DPEP1: variants seen among roughly 807,000 people sequenced by gnomAD.
DPEP1 encodes the protein dipeptidase 1.
A neutral mutation model predicts 42.3 loss-of-function variants in DPEP1; 50 were observed. That is an observed-to-expected ratio of 1.18 (90% confidence interval 0.94 to 1.50). The LOEUF is 1.50. DPEP1 is among the 40% of genes most tolerant of loss of function. DPEP1 has a pLI of 0.00. For missense variants in DPEP1, 663 were observed against 553.0 expected (o/e 1.20, Z -1.99); for synonymous variants, 297 against 234.0 (o/e 1.27, Z -2.46).
chr16:89,638,655 C>T (rs1421031921), downstream of DPEP1, among the ~76,000 whole-genome samples: 8 of 149,990 alleles, frequency 5.3e-5, no homozygotes, highest in East Asian at 9.8e-4. Context: ...CCGGTGCACA[C>T]ACCCCACCCC....
intron 2 of DPEP1, among the ~76,000 whole-genome samples, chr16:89,635,671 C>G (rs961502321): frequency 9.9e-5 from 15 of 152,232 alleles, no homozygotes; most frequent in Non-Finnish European, 1.6e-4. Flanking sequence ...GGCTACCCAG[C>G]TCCCTGAGCT....
downstream of DPEP1, chr16:89,640,467 G>A: frequency 1.1e-5 from 8 of 725,308 alleles, no homozygotes; most frequent in Non-Finnish European, 1.3e-5. Flanking sequence ...GGAGCAGGGG[G>A]CTCCGGGGTC....
At chr16:89,632,173 C>T (rs1419656250) in intron 2 of DPEP1, among the ~76,000 whole-genome samples, 1 of 152,166 alleles carries the variant, frequency 6.6e-6, no homozygotes, top group East Asian at 1.9e-4. Context: ...CCTCAGCCTC[C>T]TGAGTAGCTG....
chr16:89,625,495 C>T (rs879848651), intron 1 of DPEP1, among the ~76,000 whole-genome samples: 3 of 152,222 alleles, frequency 2.0e-5, no homozygotes, highest in Non-Finnish European at 4.4e-5. Flanking sequence ...CATTCAAACT[C>T]TATCAGGACT....
chr16:89,614,118 G>A lies in DPEP1; in HGVS notation c.-107+399G>A, dbSNP rs530071495. Among the ~76,000 whole-genome samples the A allele has an allele frequency of 1.8e-3, 272 of 152,106 alleles. 4 individuals are homozygous for A. The highest frequency in any genetic ancestry group is 6.0e-3 in the African/African-American group (247 of 41,460). ...GGGCCAGGTGTGTGGGGCAGGGGAC[G>A]CGGCGGCTTCCTGGGACTCAAGGAG... On this transcript the variant is annotated intron_variant, in intron 1 of 10. Coordinates refer to ENST00000690203, the MANE Select transcript of DPEP1 (RefSeq NM_001389466.1).
At chr16:89,620,969 G>A (rs62068711) in intron 1 of DPEP1, among the ~76,000 whole-genome samples, 28,559 of 152,132 alleles carry the variant, frequency 0.19, 2,852 homozygotes, top group South Asian at 0.33. Flanking sequence ...ATCACAGGCA[G>A]TGAAGGGCGA....
chr16:89,637,775 T>G lies in DPEP1; in HGVS notation c.930-61T>G, dbSNP rs1281141445. On this transcript the variant is annotated intron_variant, in intron 9 of 10. Transcript: ENST00000690203. ...TCATGGCCTCGTCAGAGGGATGAGG[T>G]GGCTGGAGGAGGGACCTGTGTCCTA... is the stretch of plus-strand genomic sequence containing the variant. 5 of 1,612,404 alleles carry G rather than the reference T, an allele frequency of 3.1e-6. No homozygotes were observed. The Middle Eastern group carries it at 8.3e-4, about 266-fold the overall frequency.
In DPEP1 at chr16:89,637,274, A is replaced by T; in HGVS notation, c.662A>T (p.Lys221Met). The change falls in exon 7 of 11, where the codon AAG becomes ATG. Residue 221 changes from lysine (K) to methionine (M), a missense_variant. Lys to Met is a moderately conservative substitution (Grantham distance 95). Transcript: ENST00000690203. Reference sequence around the variant, plus strand: ...GCTCACGTGTCTGTGGCCACCATGAAGGCCACCCTGCAGCTGTCCAGAGCC... The same window carrying T: ...GCTCACGTGTCTGTGGCCACCATGATGGCCACCCTGCAGCTGTCCAGAGCC... Reference protein sequence around the residue: ...DLAHVSVATMKATLQLSRAPV... With the variant: ...DLAHVSVATMMATLQLSRAPV... 6.2e-7 allele frequency: 1 copy of T among 1,612,650 alleles called. No homozygotes were observed. Among genetic ancestry groups the T allele is most frequent in the Non-Finnish European group, 8.5e-7 (1 of 1,179,946 alleles).
chr16:89,638,278 C>A lies in DPEP1; in HGVS notation c.*56C>A. 1.3e-6 allele frequency: 2 copies of A among 1,482,196 alleles called. No individual in the cohort carries two copies. The highest frequency in any genetic ancestry group is 2.8e-5 in the South Asian group (2 of 71,800). 91.8% of individuals were successfully genotyped at this position (1,482,196 alleles called of 1,614,324 possible). A position where few individuals can be genotyped will look rare whatever the true frequency, so the allele number is the denominator to read the frequency against. On this transcript the variant is annotated 3_prime_UTR_variant, in exon 11 of 11. Coordinates refer to ENST00000690203, the MANE Select transcript of DPEP1 (RefSeq NM_001389466.1). The stretch of plus-strand genomic sequence containing the variant: ...TCCCGGAGCTCCGGGAAGACCCGCC[C>A]ATCCCAGGACTCCAGATGCCAGGAG...
chr16:89,616,962 G>T (rs1319539059), intron 1 of DPEP1: 1 of 242,384 alleles, frequency 4.1e-6, no homozygotes, highest in Non-Finnish European at 8.5e-6. Context: ...CTCCAGAGGG[G>T]ATGATGGAGT....
chr16:89,616,242 CAGGT>C (rs968975831), intron 1 of DPEP1, among the ~76,000 whole-genome samples: 2 of 152,100 alleles, frequency 1.3e-5, no homozygotes, highest in Non-Finnish European at 2.9e-5. Context: ...CAAGCCCACA[CAGGT>C]AGCCAGTGTC....
chr16:89,620,496 T>C (rs1310540994), intron 1 of DPEP1: 3 of 152,276 alleles, frequency 2.0e-5, no homozygotes, highest in African/African-American at 7.2e-5. Context: ...CAGAAGCCCC[T>C]GGGCTGGCCG....
At chr16:89,623,069 C>A (rs2059465794) in intron 1 of DPEP1, among the ~76,000 whole-genome samples, 1 of 152,124 alleles carries the variant, frequency 6.6e-6, no homozygotes, top group Admixed American at 6.5e-5. Context: ...GACAGACACA[C>A]CACCCTAACC....
At chr16:89,625,496 T>A (rs540476874) in intron 1 of DPEP1, among the ~76,000 whole-genome samples, 1 of 152,174 alleles carries the variant, frequency 6.6e-6, no homozygotes, top group East Asian at 1.9e-4. Context: ...ATTCAAACTC[T>A]ATCAGGACTA....
downstream of DPEP1, among the ~76,000 whole-genome samples, chr16:89,641,111 C>G (rs1338638369): frequency 6.6e-6 from 1 of 152,192 alleles, no homozygotes; most frequent in East Asian, 1.9e-4. Flanking sequence ...TCTGCTACTG[C>G]TGTCTAGAAG....
intron 1 of DPEP1, among the ~76,000 whole-genome samples, chr16:89,628,975 C>T (rs557436612): frequency 2.1e-4 from 32 of 151,926 alleles, no homozygotes; most frequent in African/African-American, 2.9e-4. Context: ...TACAGGTGCG[C>T]ACCACCATGC....
In DPEP1 at chr16:89,637,978, A is replaced by G; in HGVS notation, c.1065+7A>G. 6.2e-7 allele frequency: 1 copy of G among 1,607,642 alleles called. No individual in the cohort carries two copies. The stretch of plus-strand genomic sequence containing the variant: ...CTTCGAGGCTGTGGAACAGGTGAGG[A>G]TGGGGTGGCCACCTGAGTCTCCCCC... On this transcript the variant is annotated splice_region_variant and intron_variant, in intron 10 of 10. Coordinates refer to ENST00000690203, the MANE Select transcript of DPEP1 (RefSeq NM_001389466.1).
chr16:89,638,538 C>T (rs1425195498), downstream of DPEP1: 25 of 1,143,536 alleles, frequency 2.2e-5, no homozygotes, highest in Admixed American at 8.7e-4. Context: ...ATCGAGTCTT[C>T]GGTCCAGGCC....
At chr16:89,613,895 G>A (rs1341262816) in intron 1 of DPEP1, among the ~76,000 whole-genome samples, 176 bp downstream of exon 1, 6 of 150,900 alleles carry the variant, frequency 4.0e-5, no homozygotes, top group Non-Finnish European at 1.5e-5. Flanking sequence ...TGCGGCAGGG[G>A]ACGGGGCGGC....
Sources: allele counts gnomAD v4.1 joint callset (sites outside exome capture counted in the v4.1 genomes callset), GRCh38; gene constraint gnomAD v4.1.1; transcripts MANE v1.5; gene names NCBI Gene and HGNC (gene_info 2026-07-23, HGNC 2026-07-21).